NRCAM: variants seen among roughly 807,000 people sequenced by gnomAD.
The protein encoded by NRCAM is NgCAM-related cell adhesion molecule.
In NRCAM, 83 loss-of-function variants were observed where a neutral mutation model predicts 156.5. That is an observed-to-expected ratio of 0.53 (90% CI 0.44 to 0.64). The LOEUF (loss-of-function observed/expected upper bound fraction) is 0.64. NRCAM is among the 30% of genes least tolerant of loss of function. NRCAM has a pLI of 0.00. For missense variants in NRCAM, 1,417 were observed against 1,597.3 expected (o/e 0.89, Z 1.92); for synonymous variants, 538 against 563.9 (o/e 0.95, Z 0.65).
chr7:108,173,353 T>C (rs947374580), intron 28 of NRCAM, among the ~76,000 whole-genome samples: 1 of 152,142 alleles, frequency 6.6e-6, no homozygotes, highest in Non-Finnish European at 1.5e-5. Flanking sequence ...TTATTCCCTA[T>C]TGTCCTGATT....
intron 1 of NRCAM, among the ~76,000 whole-genome samples, chr7:108,410,087 C>A (rs897199762): frequency 3.3e-5 from 5 of 152,168 alleles, no homozygotes; most frequent in African/African-American, 4.8e-5. Context: ...TAGTTCCTGA[C>A]TCAAGAGACT....
intron 2 of NRCAM, among the ~76,000 whole-genome samples, chr7:108,322,300 C>T (rs574020714): frequency 6.6e-6 from 1 of 152,226 alleles, no homozygotes; most frequent in Admixed American, 6.5e-5. Flanking sequence ...ATTTGACAGG[C>T]TCATTGAACT....
intron 2 of NRCAM, among the ~76,000 whole-genome samples, chr7:108,397,560 G>C (rs1391243749): frequency 1.3e-5 from 2 of 152,126 alleles, no homozygotes; most frequent in African/African-American, 4.8e-5. Context: ...AAGACCCAAA[G>C]GGAGGGGCCC....
chr7:108,170,887 G>A (rs1199140000), intron 28 of NRCAM, among the ~76,000 whole-genome samples: 5 of 152,152 alleles, frequency 3.3e-5, no homozygotes, highest in Non-Finnish European at 7.4e-5. Flanking sequence ...GTTGGTCAAA[G>A]GGTACAAACT....
chr7:108,429,152 A>C (rs1451423187), intron 1 of NRCAM, among the ~76,000 whole-genome samples: 8 of 152,212 alleles, frequency 5.3e-5, no homozygotes, highest in Non-Finnish European at 8.8e-5. Context: ...GTCAATGTGA[A>C]GGAATCTCCT....
intron 3 of NRCAM, among the ~76,000 whole-genome samples, chr7:108,278,333 C>T (rs768013196): frequency 4.5e-4 from 69 of 152,342 alleles, no homozygotes; most frequent in Non-Finnish European, 8.8e-4. Flanking sequence ...TTCAGATATG[C>T]CCTGCCCTAG....
intron 1 of NRCAM, among the ~76,000 whole-genome samples, chr7:108,416,493 G>C (rs1185945887): frequency 6.6e-6 from 1 of 152,052 alleles, no homozygotes; most frequent in African/African-American, 2.4e-5. Flanking sequence ...TATGGCAGCA[G>C]GCAACATGTT....
intron 1 of NRCAM, among the ~76,000 whole-genome samples, chr7:108,455,860 C>T (rs1447500764): frequency 6.6e-6 from 1 of 152,192 alleles, no homozygotes; most frequent in African/African-American, 2.4e-5. Flanking sequence ...CCCGCAGGCT[C>T]TCCATGCCCA....
chr7:108,444,438 G>T (rs183287488), intron 1 of NRCAM, among the ~76,000 whole-genome samples: 3 of 151,996 alleles, frequency 2.0e-5, no homozygotes, highest in Admixed American at 6.6e-5. Context: ...TTAGTTTGCC[G>T]GGGCTGCTGT....
chr7:108,317,909 A>AG (rs1467680349), intron 2 of NRCAM, among the ~76,000 whole-genome samples: 3 of 136,484 alleles, frequency 2.2e-5, no homozygotes, highest in Admixed American at 1.5e-4. Context: ...ACTCAGTCCC[A>AG]GAAAAAAAAA....
chr7:108,353,692 C>T (rs972810354), intron 2 of NRCAM, among the ~76,000 whole-genome samples: 9 of 152,188 alleles, frequency 5.9e-5, no homozygotes, highest in Admixed American at 2.0e-4. Context: ...AAAGAAAGAC[C>T]TCTTCTTATT....
At chr7:108,213,430 T>C (rs550945666) in intron 11 of NRCAM, among the ~76,000 whole-genome samples, 28 of 152,200 alleles carry the variant, frequency 1.8e-4, no homozygotes, top group South Asian at 8.3e-4. Flanking sequence ...AATATTAACA[T>C]TGAATGTAAA....
chr7:108,149,727 A>T lies in NRCAM; in HGVS notation c.*183T>A. ...TTGAATGAAAAAGTATGCACTTTGC[A>T]TTCCAGTTCATATTAACATATCATT... On this transcript the variant is annotated 3_prime_UTR_variant, in exon 33 of 33. Transcript: ENST00000379028. 3.4e-6 allele frequency: 2 copies of T among 596,124 alleles called. No homozygotes were observed. Among genetic ancestry groups the T allele is most frequent in the Non-Finnish European group, 5.9e-6 (2 of 340,472 alleles). The allele number at this position is 596,124 out of a possible 1,614,324, so 36.9% of individuals were successfully genotyped here.
chr7:108,226,136 A>G (rs900147285), intron 9 of NRCAM, 72 bp downstream of exon 9: 9 of 1,091,162 alleles, frequency 8.2e-6, no homozygotes, highest in Middle Eastern at 2.0e-4. Context: ...TCAGTAGTAT[A>G]TAATAGTTTC....
intron 3 of NRCAM, among the ~76,000 whole-genome samples, chr7:108,273,217 T>G (rs1169590289): frequency 6.6e-6 from 1 of 152,240 alleles, no homozygotes; most frequent in African/African-American, 2.4e-5. Context: ...AAAGTGTACA[T>G]GTGTCTTTAT....
intron 2 of NRCAM, among the ~76,000 whole-genome samples, chr7:108,369,152 C>T (rs2099612960): frequency 6.6e-6 from 1 of 151,996 alleles, no homozygotes; most frequent in African/African-American, 2.4e-5. Context: ...TAATGTAATT[C>T]ATGTTAGCAA....
chr7:108,189,528 G>A (rs2069710443), intron 20 of NRCAM, 117 bp downstream of exon 20: 1 of 651,282 alleles, frequency 1.5e-6, no homozygotes, highest in Non-Finnish European at 2.7e-6. Context: ...TATTCTATCA[G>A]TAATGAAGCA....
chr7:108,392,367 C>A (rs1426844287), intron 2 of NRCAM, among the ~76,000 whole-genome samples: 1 of 152,204 alleles, frequency 6.6e-6, no homozygotes, highest in Non-Finnish European at 1.5e-5. Flanking sequence ...ATCAAATTGG[C>A]TACTAATGCT....
intron 3 of NRCAM, among the ~76,000 whole-genome samples, chr7:108,308,822 T>C (rs926455110): frequency 1.3e-5 from 2 of 152,106 alleles, no homozygotes; most frequent in African/African-American, 4.8e-5. Context: ...AATGGCTGTG[T>C]CCCATAAGAA....
Sources: gnomAD v4.1 joint callset for allele counts (sites outside exome capture counted in the v4.1 genomes callset) on GRCh38, gnomAD v4.1.1 for gene constraint, MANE v1.5 for transcripts, NCBI Gene and HGNC (gene_info 2026-07-23, HGNC 2026-07-21) for gene names.